RAP1GAP: variants seen among roughly 807,000 people sequenced by gnomAD.
The protein encoded by RAP1GAP is RAP1 GTPase activating protein.
RAP1GAP carries 35 observed loss-of-function variants against 87.2 expected under a neutral mutation model. The observed-to-expected ratio is 0.40, with a 90% CI of 0.31 to 0.53. The LOEUF is 0.53. RAP1GAP is among the 20% of genes least tolerant of loss of function. RAP1GAP has a pLI of 0.48. For missense variants in RAP1GAP, 734 were observed against 898.9 expected (o/e 0.82, Z 2.35); for synonymous variants, 375 against 363.9 (o/e 1.03, Z -0.35).
Position 21,598,010 on chromosome 1 carries a change from G to A in RAP1GAP, c.1934C>T (p.Pro645Leu). Residue 645 changes from proline to leucine, a missense_variant, in exon 23 of 25, where the codon CCC becomes CTC. By Grantham distance (98) the Pro-to-Leu change is moderately conservative. Around this residue, in one of 2 missense-constraint regions of RAP1GAP, gnomAD observed 249 missense variants for 252.7 expected, o/e 0.99. Coordinates refer to ENST00000374765, the MANE Select transcript of RAP1GAP (RefSeq NM_002885.4). ...TGCTTCCAGCTGGATCTTGATCTCG[G>A]GACACGCAGGGTCCCCCAACTTGCC... ...DAGKLGDPAC[P>L]EIKIQLEASE... 1 of 1,583,562 alleles carries A rather than the reference G, an allele frequency of 6.3e-7. No individual in the cohort carries two copies. Among genetic ancestry groups the A allele is most frequent in the Non-Finnish European group, 8.6e-7 (1 of 1,165,788 alleles).
Position 21,610,644 on chromosome 1 carries a change from G to A in RAP1GAP, c.844-369C>T, listed in dbSNP as rs532591398. Among the ~76,000 whole-genome samples, 7 of 152,220 alleles carry A rather than the reference G, an allele frequency of 4.6e-5. No individual in the cohort carries two copies. In the South Asian group the frequency reaches 1.5e-3, roughly 32 times the overall value. ...ATATCAAGGCCGAGAGAAGTGACTT[G>A]GAAGGTGCTATAATGAGCTATAATG... On this transcript the variant is annotated intron_variant, in intron 13 of 24. Transcript: ENST00000374765.
At chr1:21,665,547 C>T (rs1231009007) in intron 1 of RAP1GAP, among the ~76,000 whole-genome samples, 2 of 152,216 alleles carry the variant, frequency 1.3e-5, no homozygotes, top group African/African-American at 4.8e-5. Flanking sequence ...TCCTTTCTTG[C>T]AGTAGGAAAG....
At position 21,611,021 on chromosome 1, in the gene RAP1GAP, T is replaced by G. The variant is rs372997826; in HGVS notation, c.843+431A>C. On this transcript the variant is annotated intron_variant, in intron 13 of 24. Coordinates refer to ENST00000374765, the MANE Select transcript of RAP1GAP (RefSeq NM_002885.4). ...GAGTCCAGGCCTTTGTAGAAGCTGTTCTCGCCACCTGGAACATTTCCCTTC... is the reference window on the plus strand; with the variant it reads ...GAGTCCAGGCCTTTGTAGAAGCTGTGCTCGCCACCTGGAACATTTCCCTTC... Among the ~76,000 whole-genome samples the G allele has an allele frequency of 2.0e-5, 3 of 152,290 alleles. No individual in the cohort carries two copies. The South Asian group carries it at 6.2e-4, about 32-fold the overall frequency.
chr1:21,620,746 C>T (rs961620027), intron 3 of RAP1GAP, among the ~76,000 whole-genome samples: 5 of 152,128 alleles, frequency 3.3e-5, no homozygotes, highest in African/African-American at 1.2e-4. Flanking sequence ...CTGGGAAGCC[C>T]CCAGAGCCTC....
At chr1:21,608,128 T>G in intron 17 of RAP1GAP, 85 bp downstream of exon 17, 1 of 1,517,430 alleles carries the variant, frequency 6.6e-7, no homozygotes, top group Non-Finnish European at 8.9e-7. Context: ...CCCCACGCCG[T>G]GTCCATCAGT....
chr1:21,651,973 G>A (rs1159961934), intron 1 of RAP1GAP: 3 of 567,940 alleles, frequency 5.3e-6, no homozygotes, highest in African/African-American at 2.0e-5. Context: ...GCTGCCGGGG[G>A]CCGCCGGCGC....
intron 2 of RAP1GAP, among the ~76,000 whole-genome samples, chr1:21,631,507 G>A (rs909066486): frequency 2.0e-5 from 3 of 152,126 alleles, no homozygotes; most frequent in Admixed American, 1.3e-4. Context: ...CCTACATGGC[G>A]AAACCCCATC....
Position 21,609,004 on chromosome 1 carries a change from C to T in RAP1GAP, c.1072-68G>A, listed in dbSNP as rs1223186165. The T allele has an allele frequency of 2.7e-5, 36 of 1,346,748 alleles. No homozygotes were observed. Among genetic ancestry groups the T allele is most frequent in the Non-Finnish European group, 3.7e-5 (35 of 938,044 alleles). 83.4% of individuals were successfully genotyped at this position (1,346,748 alleles called of 1,614,324 possible). ...GATGACACATAAACAAGGGTCGGAACCCCAACGAGGCAGAGGCTGCAGCTC... is the reference window on the plus strand; with the variant it reads ...GATGACACATAAACAAGGGTCGGAATCCCAACGAGGCAGAGGCTGCAGCTC... On this transcript the variant is annotated intron_variant, in intron 15 of 24. Coordinates refer to ENST00000374765, the MANE Select transcript of RAP1GAP (RefSeq NM_002885.4). This position sits in a 1 kb window ranked among gnomAD's most constrained non-coding sequence, Gnocchi z 4.4.
At chr1:21,639,055 G>T (rs537346614) in intron 2 of RAP1GAP, among the ~76,000 whole-genome samples, 16 of 152,372 alleles carry the variant, frequency 1.1e-4, no homozygotes, top group Non-Finnish European at 1.6e-4. Flanking sequence ...CCAGGGATGT[G>T]CCCTGTGACT....
chr1:21,643,347 C>G (rs544485955), intron 2 of RAP1GAP, among the ~76,000 whole-genome samples: 2 of 152,024 alleles, frequency 1.3e-5, no homozygotes, highest in Admixed American at 6.6e-5. Flanking sequence ...ATCATGAGGT[C>G]AGGAGTTCGA....
intron 2 of RAP1GAP, among the ~76,000 whole-genome samples, chr1:21,639,772 G>A (rs774642754): frequency 4.6e-5 from 7 of 152,272 alleles, no homozygotes; most frequent in East Asian, 1.9e-4. Flanking sequence ...GCCGGTGGGC[G>A]GGGCAGCGTC....
At chr1:21,620,277 G>A (rs374997370) in intron 3 of RAP1GAP, among the ~76,000 whole-genome samples, 75 of 152,258 alleles carry the variant, frequency 4.9e-4, no homozygotes, top group African/African-American at 1.7e-3. Context: ...TAGGGCCCAG[G>A]GCCAGAGCCA....
intron 18 of RAP1GAP, among the ~76,000 whole-genome samples, chr1:21,604,800 G>A (rs532470978): frequency 3.7e-4 from 55 of 149,550 alleles, no homozygotes; most frequent in African/African-American, 1.1e-3. Context: ...TGGATGGATC[G>A]GTGGGTGGGT....
At chr1:21,647,414 A>G (rs1007157240) in intron 2 of RAP1GAP, among the ~76,000 whole-genome samples, 1 of 152,152 alleles carries the variant, frequency 6.6e-6, no homozygotes, top group Non-Finnish European at 1.5e-5. Flanking sequence ...CAGTGAGCCG[A>G]GACTGCACAA....
Position 21,613,969 on chromosome 1 carries a change from TC to T in RAP1GAP, c.395+16del. The T allele has an allele frequency of 6.4e-7, 1 of 1,558,254 alleles. No homozygotes were observed. The highest frequency in any genetic ancestry group is 8.8e-7 in the Non-Finnish European group (1 of 1,134,618). On this transcript the variant is annotated intron_variant, in intron 8 of 24. Transcript: ENST00000374765. The surrounding 1 kb of genome is among the most constrained non-coding windows in gnomAD (Gnocchi z 4.7). The stretch of plus-strand genomic sequence containing the variant: ...TCAGCCCTTCCTGCCATCTCAGGAC[TC>T]CCCCACCACCCTCACCTGAGCAGCA...
At position 21,619,046 on chromosome 1, in the gene RAP1GAP, G is replaced by A. The variant is rs1356061612; in HGVS notation, c.45C>T (p.Cys15=). Residue 15 remains cysteine (C), a synonymous_variant, in exon 5 of 25, where the codon TGC becomes TGT. Coordinates refer to ENST00000374765, the MANE Select transcript of RAP1GAP (RefSeq NM_002885.4). ...CTACTTTGAGGGGCGGCGGGAAGGA[G>A]CAGCGTTGTTCATCCATCCTGCTTC... ...MQGSRMDEQR[C]SFPPPLKTEE... The A allele has an allele frequency of 1.2e-6, 2 of 1,602,692 alleles. No homozygotes were observed. Among genetic ancestry groups the A allele is most frequent in the Non-Finnish European group, 1.7e-6 (2 of 1,174,002 alleles).
chr1:21,612,435 A>C (rs2078987383), intron 10 of RAP1GAP, among the ~76,000 whole-genome samples: 1 of 151,364 alleles, frequency 6.6e-6, no homozygotes, highest in African/African-American at 2.4e-5. Flanking sequence ...CCCCTACTCC[A>C]CTCTAACTCC....
intron 2 of RAP1GAP, among the ~76,000 whole-genome samples, chr1:21,648,828 T>C (rs1029912509): frequency 2.0e-4 from 31 of 152,040 alleles, no homozygotes; most frequent in African/African-American, 7.0e-4. Context: ...CAAAGGGAAA[T>C]AGAAAGGCAG....
At chr1:21,659,018 C>A (rs2096983445) in intron 1 of RAP1GAP, among the ~76,000 whole-genome samples, 1 of 151,078 alleles carries the variant, frequency 6.6e-6, no homozygotes, top group South Asian at 2.1e-4. Context: ...CGGCTCACCG[C>A]AACCTCCACC....
Sources: gnomAD v4.1 joint callset for allele counts (sites outside exome capture counted in the v4.1 genomes callset) on GRCh38, gnomAD v4.1.1 for gene constraint, gnomAD v4.1.1 regional missense constraint, Gnocchi (gnomAD v3.1) non-coding constraint, MANE v1.5 for transcripts, NCBI Gene and HGNC (gene_info 2026-07-23, HGNC 2026-07-21) for gene names.